Variants in FBXO30 observed in about 807,000 individuals in gnomAD.
FBXO30 encodes F-box only protein 30.
Under a neutral mutation model 58.1 loss-of-function variants are expected in FBXO30, and 21 were observed. The ratio of observed to expected loss-of-function variants is 0.36; its 90% CI spans 0.26 to 0.52. The LOEUF (loss-of-function observed/expected upper bound fraction) is 0.52. Among genes scored for constraint, FBXO30 ranks in the 20% least tolerant of loss-of-function variants. The probability of loss-of-function intolerance (pLI) is 0.93; values close to 1 mark genes in which losing one functional copy is unlikely to be tolerated. For missense variants in FBXO30, 744 were observed against 897.3 expected, an observed-to-expected ratio of 0.83 and a Z score of 2.18; for synonymous variants, 309 against 312.4, an observed-to-expected ratio of 0.99 and a Z score of 0.11.
At chr6:145,807,340 A>G (rs1778204580) in intron 1 of FBXO30, among the ~76,000 whole-genome samples, 1 of 152,236 alleles carries the variant, frequency 6.6e-6, no homozygotes, top group Non-Finnish European at 1.5e-5. Context: ...GTCTTGAAAG[A>G]GAAGTCTTAA....
chr6:145,800,447 T>C (rs1472874821), intron 2 of FBXO30, 138 bp from the exon 3 acceptor site: 10 of 629,402 alleles, frequency 1.6e-5, no homozygotes, highest in Non-Finnish European at 2.4e-5. Flanking sequence ...AAATTAAAAA[T>C]TGGTAAATCC....
intron 1 of FBXO30, among the ~76,000 whole-genome samples, chr6:145,806,742 A>C (rs180799495): frequency 1.2e-3 from 181 of 152,334 alleles, no homozygotes; most frequent in African/African-American, 4.0e-3. Context: ...ATTTAATGTT[A>C]AAAACAAGTT....
intron 2 of FBXO30, among the ~76,000 whole-genome samples, chr6:145,802,193 G>A (rs1163855796): frequency 2.0e-5 from 3 of 152,108 alleles, no homozygotes; most frequent in East Asian, 1.9e-4. Context: ...ACACAAAGCA[G>A]TGCAACAACT....
chr6:145,811,096 G>A (rs1308332452), intron 1 of FBXO30, among the ~76,000 whole-genome samples: 2 of 152,110 alleles, frequency 1.3e-5, no homozygotes, highest in African/African-American at 2.4e-5. Flanking sequence ...AAAGCTATAA[G>A]CTCCATGAAA....
rs1300452670 is a variant in FBXO30 at position 145,795,830 on chromosome 6, A to G, written c.*4276T>C. The G allele has an allele frequency of 2.0e-5, 3 of 152,062 alleles. No individual in the cohort carries two copies. Among genetic ancestry groups the G allele is most frequent in the Middle Eastern group, 3.4e-3 (1 of 294 alleles). The allele number at this position is 152,062 out of a possible 1,614,324, so 9.4% of individuals were successfully genotyped here. A position where few individuals can be genotyped will look rare whatever the true frequency, so the allele number is the denominator to read the frequency against. On this transcript the variant is annotated 3_prime_UTR_variant, in exon 3 of 3. Transcript: ENST00000237281. ...GATTATATATGTCAAATAAACATGT[A>G]TAAGCAATTTATTTAAAAAAGTTTA...
intron 2 of FBXO30, among the ~76,000 whole-genome samples, chr6:145,803,682 G>C (rs568604954): frequency 1.9e-4 from 29 of 152,110 alleles, no homozygotes; most frequent in Non-Finnish European, 3.5e-4. Flanking sequence ...GCTTGGATTT[G>C]CTTAGGTCTG....
intron 1 of FBXO30, among the ~76,000 whole-genome samples, chr6:145,811,668 G>A (rs942949015): frequency 1.9e-4 from 29 of 152,128 alleles, no homozygotes; most frequent in Admixed American, 4.6e-4. Context: ...AGAAAAGTAA[G>A]TTTAAAATAG....
chr6:145,803,009 G>C (rs1778051827), intron 2 of FBXO30, among the ~76,000 whole-genome samples: 1 of 152,054 alleles, frequency 6.6e-6, no homozygotes, highest in African/African-American at 2.4e-5. Flanking sequence ...GAAAGCTATA[G>C]GATAATCAAG....
At position 145,804,622 on chromosome 6, in the gene FBXO30, G is replaced by T; in HGVS notation, c.1784C>A (p.Thr595Lys). ...RSFGVQPCVSTVLVEPARNCV... is the reference protein window; with the variant it reads ...RSFGVQPCVSKVLVEPARNCV... ...GTTTCTAGCAGGCTCCACTAATACTGTAGATACACATGGCTGAACTCCAAA... is the reference window on the plus strand; with the variant it reads ...GTTTCTAGCAGGCTCCACTAATACTTTAGATACACATGGCTGAACTCCAAA... The change falls in exon 2 of 3, where the codon ACA becomes AAA. Residue 595 changes from threonine (T) to lysine (K), a missense_variant. Physicochemically the swap from Thr to Lys is moderately conservative, Grantham distance 78. Around this residue, in one of 3 missense-constraint regions of FBXO30, gnomAD observed 334 missense variants for 433.7 expected, o/e 0.77. Transcript: ENST00000237281. 1 of 1,613,780 alleles carries T rather than the reference G, an allele frequency of 6.2e-7. No individual in the cohort carries two copies. The highest frequency in any genetic ancestry group is 8.5e-7 in the Non-Finnish European group (1 of 1,179,844).
rs1392087134 is a variant in FBXO30, at chr6:145,804,591, CA to C, written c.1814del (p.Val605GlyfsTer9). On this transcript the variant is annotated frameshift_variant, in exon 2 of 3. Transcript: ENST00000237281. LOFTEE classifies it high-confidence loss of function. Reference protein sequence around the residue: ...TVLVEPARNCVLGLHNDHLSS... With the variant: ...TVLVEPARNCXLGLHNDHLSS... ...TTAGATGGTCATTATGTAATCCCAACACACAGTTTCTAGCAGGCTCCACTAA... is the reference window on the plus strand; with the variant it reads ...TTAGATGGTCATTATGTAATCCCAACCACAGTTTCTAGCAGGCTCCACTAA... The C allele has an allele frequency of 5.6e-6, 9 of 1,613,724 alleles. No homozygotes were observed. The highest frequency in any genetic ancestry group is 7.6e-6 in the Non-Finnish European group (9 of 1,179,812).
rs570086039 is a variant in FBXO30 at position 145,793,873 on chromosome 6, T to C, written c.*6233A>G. ...TAGATTTGTCATGTTACTAATGCTA[T>C]AAATTAATTCTAAACCACGGTTTGG... On this transcript the variant is annotated 3_prime_UTR_variant, in exon 3 of 3. Transcript: ENST00000237281. 4 of 152,234 alleles carry C rather than the reference T, an allele frequency of 2.6e-5. No individual in the cohort carries two copies. Among genetic ancestry groups the C allele is most frequent in the South Asian group, 2.1e-4 (1 of 4,834 alleles). The allele number at this position is 152,234 out of a possible 1,614,324, so 9.4% of individuals were successfully genotyped here.
rs920410476 is a variant in FBXO30 at position 145,799,946 on chromosome 6, T to G, written c.*160A>C. ...AAACATTAAGGCAACTTTTTCCAAC[T>G]AAACAGTACTTTATAAAAATAGATG... On this transcript the variant is annotated 3_prime_UTR_variant, in exon 3 of 3. Coordinates refer to ENST00000237281, the MANE Select transcript of FBXO30 (RefSeq NM_032145.5). 5.4e-6 allele frequency: 3 copies of G among 553,008 alleles called. No individual in the cohort carries two copies. Among genetic ancestry groups the G allele is most frequent in the Admixed American group, 3.9e-5 (1 of 25,964 alleles). The allele number at this position is 553,008 out of a possible 1,614,324, so 34.3% of individuals were successfully genotyped here. A position where few individuals can be genotyped will look rare whatever the true frequency, so the allele number is the denominator to read the frequency against.
At chr6:145,809,555 C>T (rs1467380969) in intron 1 of FBXO30, among the ~76,000 whole-genome samples, 2 of 152,074 alleles carry the variant, frequency 1.3e-5, no homozygotes, top group Non-Finnish European at 1.5e-5. Context: ...GAGTTAAAAG[C>T]AAAAACAGCA....
chr6:145,795,938 GGTTA>G lies in FBXO30; in HGVS notation c.*4164_*4167del, dbSNP rs938642541. 3 of 151,840 alleles carry G rather than the reference GGTTA, an allele frequency of 2.0e-5. No homozygotes were observed. The highest frequency in any genetic ancestry group is 4.4e-5 in the Non-Finnish European group (3 of 67,824). The allele number at this position is 151,840 out of a possible 1,614,324, so 9.4% of individuals were successfully genotyped here. A position where few individuals can be genotyped will look rare whatever the true frequency, so the allele number is the denominator to read the frequency against. On this transcript the variant is annotated 3_prime_UTR_variant, in exon 3 of 3. Transcript: ENST00000237281. ...ATTTTCAGAGCAACATATCACACTT[GGTTA>G]GTTAGTTTCCTTTTGGTATTGCTCC...
chr6:145,801,033 C>A (rs932390369), intron 2 of FBXO30, among the ~76,000 whole-genome samples: 2 of 151,890 alleles, frequency 1.3e-5, no homozygotes, highest in South Asian at 2.1e-4. Context: ...TTTTGTCCAC[C>A]CAACTGCTCT....
At position 145,793,788 on chromosome 6, in the gene FBXO30, C is replaced by T. The variant is rs1054713139; in HGVS notation, c.*6318G>A. On this transcript the variant is annotated 3_prime_UTR_variant, in exon 3 of 3. Transcript: ENST00000237281. ...TTGATGAATTACAGCTTTATTTCTGCTGCTGTCAGGAGTACTTCTATGATG... is the reference window on the plus strand; with the variant it reads ...TTGATGAATTACAGCTTTATTTCTGTTGCTGTCAGGAGTACTTCTATGATG... The T allele has an allele frequency of 5.9e-5, 9 of 151,970 alleles. No homozygotes were observed. The highest frequency in any genetic ancestry group is 4.6e-4 in the Admixed American group (7 of 15,258). The allele number at this position is 151,970 out of a possible 1,614,324, so 9.4% of individuals were successfully genotyped here. A position where few individuals can be genotyped will look rare whatever the true frequency, so the allele number is the denominator to read the frequency against.
intron 2 of FBXO30, among the ~76,000 whole-genome samples, chr6:145,800,575 C>T (rs1029567212): frequency 6.6e-6 from 1 of 152,098 alleles, no homozygotes; most frequent in East Asian, 1.9e-4. Context: ...CACACCCAAT[C>T]TGGCTTACTA....
Position 145,805,932 on chromosome 6 carries a change from A to C in FBXO30, c.474T>G (p.Val158=). Residue 158 remains valine, a synonymous_variant, in exon 2 of 3, where the codon GTT becomes GTG. Transcript: ENST00000237281. ...GTGGTATTTCTGGGACACTTGATTT[A>C]ACTGAGATTTGTTCTCTAGGTTTGG... ...KVSKPREQIS[V]KSSVPEIPHA... The C allele has an allele frequency of 6.2e-7, 1 of 1,614,050 alleles. No individual in the cohort carries two copies. Among genetic ancestry groups the C allele is most frequent in the Non-Finnish European group, 8.5e-7 (1 of 1,179,970 alleles).
intron 2 of FBXO30, 68 bp from the exon 3 acceptor site, chr6:145,800,377 C>T: frequency 7.8e-7 from 1 of 1,279,504 alleles, no homozygotes; most frequent in Non-Finnish European, 1.1e-6. Context: ...ACTTTTTGCT[C>T]CTACTGCATA....
Sources: gnomAD v4.1 joint callset for allele counts (sites outside exome capture counted in the v4.1 genomes callset) on GRCh38, gnomAD v4.1.1 for gene constraint, gnomAD v4.1.1 regional missense constraint, MANE v1.5 for transcripts, NCBI Gene and HGNC (gene_info 2026-07-23, HGNC 2026-07-21) for gene names.